The following FANCC variants were observed in gnomAD, a reference collection of about 807,000 sequenced individuals.
The protein encoded by FANCC is Fanconi anemia group C protein.
FANCC carries 55 observed loss-of-function variants against 71.3 expected under a neutral mutation model. That is an observed-to-expected ratio of 0.77 (90% CI 0.62 to 0.97). The LOEUF is 0.97. Among genes scored for constraint, FANCC ranks in the 50% least tolerant of loss-of-function variants. FANCC has a pLI of 0.00. For synonymous variants in FANCC, 275 were observed against 244.9 expected (o/e 1.12, Z -1.15); for missense variants, 678 against 670.9 (o/e 1.01, Z -0.12).
In FANCC at chr9:95,105,043, C is replaced by T. The variant is rs538389289; in HGVS notation, c.1533+2023G>A. Among the ~76,000 whole-genome samples the T allele has an allele frequency of 2.0e-5, 3 of 152,358 alleles. No homozygotes were observed. The South Asian group carries it at 6.2e-4, about 32-fold the overall frequency. ...TTTATAAGAGTACACAATAGATTCT[C>T]GAAAGCATTCTCGCTGTGCTGGGGC... On this transcript the variant is annotated intron_variant, in intron 14 of 14. Coordinates refer to ENST00000289081, the MANE Select transcript of FANCC (RefSeq NM_000136.3).
chr9:95,102,480 T>C (rs534275031), intron 14 of FANCC, among the ~76,000 whole-genome samples: 6 of 152,326 alleles, frequency 3.9e-5, no homozygotes, highest in African/African-American at 1.4e-4. Flanking sequence ...TCTTACAATT[T>C]AGCTGTGTGG....
intron 3 of FANCC, among the ~76,000 whole-genome samples, chr9:95,242,852 C>G (rs746167117): frequency 1.4e-4 from 21 of 152,206 alleles, no homozygotes; most frequent in Non-Finnish European, 2.5e-4. Context: ...ATCTGTCAGG[C>G]TCCTCCCTGG....
rs1379604177 is a variant in FANCC, at chr9:95,110,656, T to TCAAA, written c.1329+803_1329+806dup. On this transcript the variant is annotated intron_variant, in intron 13 of 14. Transcript: ENST00000289081. Reference sequence around the variant, plus strand: ...GACATCTTTATTAGTCTGTGTGTTTTCAAACAACAGAAAATGCCAAAGCCA... The same window carrying TCAAA: ...GACATCTTTATTAGTCTGTGTGTTTTCAAACAAACAACAGAAAATGCCAAAGCCA... The TCAAA allele has an allele frequency of 6.7e-6, 7 of 1,048,238 alleles. No homozygotes were observed. The African/African-American group carries it at 8.3e-5, about 12-fold the overall frequency. The allele number at this position is 1,048,238 out of a possible 1,614,324, so 64.9% of individuals were successfully genotyped here.
chr9:95,169,783 T>A lies in FANCC; in HGVS notation c.521+1296A>T, dbSNP rs539329772. 2.0e-5 allele frequency among the ~76,000 whole-genome samples: 3 copies of A among 152,374 alleles called. No homozygotes were observed. In the South Asian group the frequency reaches 6.2e-4, roughly 32 times the overall value. On this transcript the variant is annotated intron_variant, in intron 6 of 14. Coordinates refer to ENST00000289081, the MANE Select transcript of FANCC (RefSeq NM_000136.3). Reference sequence around the variant, plus strand: ...GCTGTAGTTAAGTCAATGTCTCTACTGGAAAATAAGGTCTAGGACTTCCTA... The same window carrying A: ...GCTGTAGTTAAGTCAATGTCTCTACAGGAAAATAAGGTCTAGGACTTCCTA...
chr9:95,166,400 T>C (rs749716525), intron 6 of FANCC, among the ~76,000 whole-genome samples: 12 of 152,106 alleles, frequency 7.9e-5, no homozygotes, highest in Non-Finnish European at 1.3e-4. Context: ...TATTTTCTTG[T>C]TGTTACCATG....
At chr9:95,299,827 C>T (rs969815562) in intron 1 of FANCC, among the ~76,000 whole-genome samples, 3 of 152,204 alleles carry the variant, frequency 2.0e-5, no homozygotes, top group South Asian at 2.1e-4. Flanking sequence ...CATCACTGCA[C>T]TCCAGGCAGG....
At chr9:95,261,610 C>T (rs1040870340) in intron 1 of FANCC, among the ~76,000 whole-genome samples, 8 of 152,138 alleles carry the variant, frequency 5.3e-5, no homozygotes, top group African/African-American at 1.9e-4. Context: ...GTGCATTTAC[C>T]CAGTCCCTAA....
At chr9:95,147,441 G>A (rs1295372790) in intron 7 of FANCC, among the ~76,000 whole-genome samples, 6 of 152,148 alleles carry the variant, frequency 3.9e-5, no homozygotes, top group Non-Finnish European at 7.3e-5. Flanking sequence ...ACTTGAACCC[G>A]GAAGGCAGAG....
intron 10 of FANCC, among the ~76,000 whole-genome samples, chr9:95,122,072 A>G (rs1292369354): frequency 1.3e-5 from 2 of 151,822 alleles, no homozygotes; most frequent in Non-Finnish European, 2.9e-5. Context: ...GTTAGCCAGG[A>G]TGGTCTCGAT....
intron 1 of FANCC, among the ~76,000 whole-genome samples, chr9:95,272,162 T>C (rs1832777670): frequency 6.6e-6 from 1 of 151,544 alleles, no homozygotes; most frequent in African/African-American, 2.4e-5. Context: ...ATGGTCTCGA[T>C]CTCCTGACCT....
Position 95,101,712 on chromosome 9 carries a change from C to CTTGAG in FANCC, c.1667_1671dup (p.Val558LeufsTer26). 9 of 1,613,980 alleles carry CTTGAG rather than the reference C, an allele frequency of 5.6e-6. No homozygotes were observed. Among genetic ancestry groups the CTTGAG allele is most frequent in the Non-Finnish European group, 7.6e-6 (9 of 1,179,998 alleles). ...CCACACGGCCTGCGTGCCTTCTAGA[C>CTTGAG]TTGAGTTCGCAGCTCTTTAAGGAGC... On this transcript the variant is annotated frameshift_variant, in exon 15 of 15. Transcript: ENST00000289081. LOFTEE classifies it high-confidence loss of function.
intron 4 of FANCC, among the ~76,000 whole-genome samples, chr9:95,195,607 T>C (rs34855451): frequency 9.2e-5 from 14 of 152,230 alleles, no homozygotes; most frequent in Admixed American, 1.3e-4. Context: ...CTTGTGCTTT[T>C]CCCTATAAAT....
intron 1 of FANCC, chr9:95,293,254 A>G (rs1306143181): frequency 1.2e-6 from 2 of 1,612,972 alleles, no homozygotes; most frequent in Middle Eastern, 1.6e-4. Context: ...TGCTTAAACT[A>G]CCCGTGATGC....
At chr9:95,159,713 A>G (rs1448346715) in intron 6 of FANCC, among the ~76,000 whole-genome samples, 1 of 152,104 alleles carries the variant, frequency 6.6e-6, no homozygotes, top group Non-Finnish European at 1.5e-5. Flanking sequence ...TGACTTTTTA[A>G]TGATCGCCAT....
chr9:95,202,302 G>C (rs991371594), intron 4 of FANCC, among the ~76,000 whole-genome samples: 4 of 152,204 alleles, frequency 2.6e-5, no homozygotes, highest in African/African-American at 9.7e-5. Flanking sequence ...TAACGGGGCA[G>C]GGCTGCCTCT....
At chr9:95,182,839 G>A (rs1231911037) in intron 4 of FANCC, among the ~76,000 whole-genome samples, 2 of 152,106 alleles carry the variant, frequency 1.3e-5, no homozygotes, top group Non-Finnish European at 2.9e-5. Context: ...GGAGGAGGGA[G>A]AGGCAAGGGG....
intron 7 of FANCC, among the ~76,000 whole-genome samples, chr9:95,146,896 G>A (rs1018879431): frequency 7.2e-5 from 11 of 152,056 alleles, no homozygotes; most frequent in Middle Eastern, 3.4e-3. Context: ...TTGGGCCTAC[G>A]TGGAAACATA....
intron 2 of FANCC, 34 bp downstream of exon 2, chr9:95,249,093 G>A (rs1215901291): frequency 6.2e-7 from 1 of 1,608,084 alleles, no homozygotes; most frequent in African/African-American, 1.3e-5. Context: ...CCTGAAGTCA[G>A]AAAATAATTT....
rs369503655 is a variant in FANCC at position 95,101,661 on chromosome 9, C to A, written c.*46G>T. The A allele has an allele frequency of 6.2e-6, 10 of 1,610,252 alleles. No individual in the cohort carries two copies. The highest frequency in any genetic ancestry group is 7.6e-6 in the Non-Finnish European group (9 of 1,179,416). On this transcript the variant is annotated 3_prime_UTR_variant, in exon 15 of 15. Coordinates refer to ENST00000289081, the MANE Select transcript of FANCC (RefSeq NM_000136.3). ...GTCATCACCTGTCCTGTGGCCCTGGCGAGCCTGATCCCTCACGCCGGGCAC... is the reference window on the plus strand; with the variant it reads ...GTCATCACCTGTCCTGTGGCCCTGGAGAGCCTGATCCCTCACGCCGGGCAC...
Sources: allele counts gnomAD v4.1 joint callset (sites outside exome capture counted in the v4.1 genomes callset), GRCh38; gene constraint gnomAD v4.1.1; transcripts MANE v1.5; gene names NCBI Gene and HGNC (gene_info 2026-07-23, HGNC 2026-07-21).